Variants in IGF1R observed in about 807,000 individuals in gnomAD.
IGF1R encodes insulin like growth factor 1 receptor, also known as insulin-like growth factor 1 receptor.
Under a neutral mutation model 144.6 loss-of-function variants are expected in IGF1R, and 44 were observed. The ratio of observed to expected loss-of-function variants is 0.30; its 90% CI spans 0.24 to 0.39. The LOEUF is 0.39. Among genes scored for constraint, IGF1R ranks in the 10% least tolerant of loss-of-function variants. The pLI is 1.00. For missense variants in IGF1R, 1,355 were observed against 1,833.7 expected, an observed-to-expected ratio of 0.74 and a Z score of 4.77; for synonymous variants, 795 against 722.8, an observed-to-expected ratio of 1.10 and a Z score of -1.60.
chr15:98,679,680 T>A (rs1036953390), intron 1 of IGF1R, among the ~76,000 whole-genome samples: 2 of 133,896 alleles, frequency 1.5e-5, no homozygotes, highest in African/African-American at 6.4e-5. Context: ...TACTATGCTG[T>A]ACTTTTAATT....
At chr15:98,697,906 T>C (rs550739713) in intron 1 of IGF1R, among the ~76,000 whole-genome samples, 1 of 151,778 alleles carries the variant, frequency 6.6e-6, no homozygotes, top group East Asian at 1.9e-4. Flanking sequence ...CCTGGCTAAC[T>C]TTTGTATTGT....
intron 2 of IGF1R, among the ~76,000 whole-genome samples, chr15:98,803,837 A>G (rs781658144): frequency 6.6e-6 from 1 of 152,200 alleles, no homozygotes; most frequent in Non-Finnish European, 1.5e-5. Context: ...TAGAAGGTGT[A>G]CACTCTTAAA....
At chr15:98,674,203 G>A (rs1005769678) in intron 1 of IGF1R, among the ~76,000 whole-genome samples, 2 of 152,102 alleles carry the variant, frequency 1.3e-5, no homozygotes, top group South Asian at 2.1e-4. Context: ...ATCACATCAC[G>A]GTTAGACATA....
chr15:98,732,693 C>G (rs1052080445), intron 2 of IGF1R, among the ~76,000 whole-genome samples: 2 of 152,178 alleles, frequency 1.3e-5, no homozygotes, highest in African/African-American at 4.8e-5. Context: ...AGATGACCAC[C>G]CTTGCCATTA....
intron 2 of IGF1R, among the ~76,000 whole-genome samples, chr15:98,870,819 T>C (rs2141605358): frequency 6.6e-6 from 1 of 152,320 alleles, no homozygotes; most frequent in Admixed American, 6.5e-5. Flanking sequence ...AGGTGGGCAA[T>C]GTACTCCTGA....
At chr15:98,807,273 G>A (rs2056491172) in intron 2 of IGF1R, among the ~76,000 whole-genome samples, 1 of 152,210 alleles carries the variant, frequency 6.6e-6, no homozygotes, top group South Asian at 2.1e-4. Context: ...AGCACAGGCT[G>A]CATCCTGGAT....
chr15:98,911,198 A>C (rs554644525), intron 6 of IGF1R, 117 bp from the exon 7 acceptor site: 2 of 1,156,676 alleles, frequency 1.7e-6, no homozygotes, highest in Non-Finnish European at 2.6e-6. Flanking sequence ...GGAAGCCCAG[A>C]AGGGAACTTA....
intron 5 of IGF1R, among the ~76,000 whole-genome samples, chr15:98,903,651 TG>T (rs1206310126): frequency 1.3e-5 from 2 of 152,184 alleles, no homozygotes; most frequent in Non-Finnish European, 2.9e-5. Context: ...AAAGACCCAC[TG>T]GAAACCATTC....
intron 2 of IGF1R, among the ~76,000 whole-genome samples, chr15:98,860,550 G>T (rs745850525): frequency 3.9e-5 from 6 of 152,140 alleles, no homozygotes; most frequent in Admixed American, 1.3e-4. Context: ...GTACTTCTTT[G>T]CTTCTTACTC....
intron 6 of IGF1R, among the ~76,000 whole-genome samples, chr15:98,909,669 C>T (rs553526412): frequency 1.3e-5 from 2 of 152,328 alleles, no homozygotes; most frequent in South Asian, 2.1e-4. Flanking sequence ...CTGCCCTAAG[C>T]GCAGCCCCTG....
At chr15:98,715,702 A>C (rs894679801) in intron 2 of IGF1R, among the ~76,000 whole-genome samples, 2 of 152,106 alleles carry the variant, frequency 1.3e-5, no homozygotes, top group Non-Finnish European at 1.5e-5. Context: ...AGTTGGAAGC[A>C]TCACTTAGAA....
chr15:98,819,240 A>T (rs1477724201), intron 2 of IGF1R, among the ~76,000 whole-genome samples: 1 of 152,118 alleles, frequency 6.6e-6, no homozygotes, highest in Non-Finnish European at 1.5e-5. Context: ...GAAAAATGAA[A>T]TCATCCAGGG....
intron 1 of IGF1R, among the ~76,000 whole-genome samples, chr15:98,692,670 G>T (rs556290263): frequency 5.9e-5 from 9 of 152,250 alleles, no homozygotes; most frequent in Non-Finnish European, 1.0e-4. Flanking sequence ...CAAAATAGGG[G>T]TCTACCCTTA....
chr15:98,853,650 G>C (rs1258515973), intron 2 of IGF1R, among the ~76,000 whole-genome samples: 1 of 152,180 alleles, frequency 6.6e-6, no homozygotes, highest in African/African-American at 2.4e-5. Flanking sequence ...CGGAGTGGAG[G>C]ATAAGCCTCC....
At chr15:98,841,880 A>AAAGTTCTG (rs2011180728) in intron 2 of IGF1R, among the ~76,000 whole-genome samples, 1 of 152,178 alleles carries the variant, frequency 6.6e-6, no homozygotes, top group Non-Finnish European at 1.5e-5. Flanking sequence ...TACTCCTTGG[A>AAAGTTCTG]AAGTTCTGGA....
intron 2 of IGF1R, among the ~76,000 whole-genome samples, chr15:98,796,942 C>A (rs1471775565): frequency 2.0e-5 from 3 of 152,218 alleles, no homozygotes; most frequent in Admixed American, 2.0e-4. Flanking sequence ...GTGCATCTAG[C>A]TGTAAAAGCC....
chr15:98,776,226 C>T (rs2055711359), intron 2 of IGF1R, among the ~76,000 whole-genome samples: 6 of 151,274 alleles, frequency 4.0e-5, no homozygotes, highest in Admixed American at 3.3e-4. Flanking sequence ...ACTCTGTCGC[C>T]CAGGCTGGAG....
At chr15:98,848,036 G>C (rs1345556429) in intron 2 of IGF1R, among the ~76,000 whole-genome samples, 1 of 152,116 alleles carries the variant, frequency 6.6e-6, no homozygotes, top group Non-Finnish European at 1.5e-5. Context: ...GTGTGACCTA[G>C]GCCAAAAGTT....
At chr15:98,651,233 C>G (rs1282163055) in intron 1 of IGF1R, among the ~76,000 whole-genome samples, 1 of 152,170 alleles carries the variant, frequency 6.6e-6, no homozygotes, top group African/African-American at 2.4e-5. Flanking sequence ...TTTCTATAAA[C>G]AAATCCTTAA....
Sources: gnomAD v4.1 joint callset for allele counts (sites outside exome capture counted in the v4.1 genomes callset) on GRCh38, gnomAD v4.1.1 for gene constraint, MANE v1.5 for transcripts, NCBI Gene and HGNC (gene_info 2026-07-23, HGNC 2026-07-21) for gene names.